ZNF723: variants seen among roughly 807,000 people sequenced by gnomAD.
ZNF723 encodes zinc finger protein 723.
In ZNF723, 5 loss-of-function variants were observed where a neutral mutation model predicts 9.4. The observed-to-expected ratio is 0.53, with a 90% CI of 0.28 to 1.12. ZNF723 has a LOEUF of 1.12. ZNF723 is among the 50% of genes most tolerant of loss of function. The probability of loss-of-function intolerance (pLI) is 0.10; values close to 1 mark genes in which losing one functional copy is unlikely to be tolerated. For synonymous variants in ZNF723, 158 were observed against 168.8 expected, an observed-to-expected ratio of 0.94 and a Z score of 0.49; for missense variants, 450 against 501.5, an observed-to-expected ratio of 0.90 and a Z score of 0.98.
chr19:22,848,418 A>G, intron 2 of ZNF723, 31 bp downstream of exon 2: 1 of 1,301,210 alleles, frequency 7.7e-7, no homozygotes, highest in South Asian at 1.3e-5. Flanking sequence ...CAATCCTCAG[A>G]TACTGTAAAT....
At position 22,858,125 on chromosome 19, in the gene ZNF723, C is replaced by T. The variant is rs943817882; in HGVS notation, c.1234C>T (p.Leu412Phe). The T allele has an allele frequency of 7.6e-6, 11 of 1,447,030 alleles. No individual in the cohort carries two copies. The African/African-American group carries it at 1.3e-4, about 17-fold the overall frequency. 89.6% of individuals were successfully genotyped at this position (1,447,030 alleles called of 1,614,324 possible). ...CAAAGCCTTTAACCAATCCTCAGCC[C>T]TTACTACACATAAGATAATTCATAC... ...CGKAFNQSSA[L>F]TTHKIIHTGE... Residue 412 changes from leucine to phenylalanine, a missense_variant, in exon 4 of 4, where the codon CTT becomes TTT. By Grantham distance (22) the Leu-to-Phe change is conservative. This residue lies in a region of ZNF723 where 237 missense variants were observed against 332.2 expected (regional missense o/e 0.71). Coordinates refer to ENST00000600766, the MANE Select transcript of ZNF723 (RefSeq NM_001349726.2).
In ZNF723 at chr19:22,851,540, T is replaced by A. The variant is rs373796669; in HGVS notation, c.226+2247T>A. On this transcript the variant is annotated intron_variant, in intron 3 of 3. Transcript: ENST00000600766. ...AACATAATGGACTCATTTTAGGATTTCTTTTTATTTATGTGCAGTCTCACT... is the reference window on the plus strand; with the variant it reads ...AACATAATGGACTCATTTTAGGATTACTTTTTATTTATGTGCAGTCTCACT... Among the ~76,000 whole-genome samples the A allele has an allele frequency of 9.2e-5, 14 of 152,188 alleles. 1 individual carries two copies. In the South Asian group the frequency reaches 1.9e-3, roughly 20 times the overall value.
At chr19:22,830,761 CT>C (rs1477267096), upstream of ZNF723, among the ~76,000 whole-genome samples, 4 of 151,962 alleles carry the variant, frequency 2.6e-5, no homozygotes, top group Admixed American at 2.0e-4. Flanking sequence ...AGCAATTTTT[CT>C]TTTTTTCTTT....
At chr19:22,856,337 A>G (rs1265957202) in intron 3 of ZNF723, among the ~76,000 whole-genome samples, 1 of 151,862 alleles carries the variant, frequency 6.6e-6, no homozygotes, top group Non-Finnish European at 1.5e-5. Context: ...TACTTTTGTT[A>G]CCCTCATTTT....
At chr19:22,836,823 T>C (rs915662227) in intron 1 of ZNF723, among the ~76,000 whole-genome samples, 1 of 152,204 alleles carries the variant, frequency 6.6e-6, no homozygotes, top group African/African-American at 2.4e-5. Context: ...TATAGCTATT[T>C]ACCAGGATTA....
At position 22,841,317 on chromosome 19, in the gene ZNF723, A is replaced by G. The variant is rs535183092; in HGVS notation, c.4-6944A>G. On this transcript the variant is annotated intron_variant, in intron 1 of 3. Coordinates refer to ENST00000600766, the MANE Select transcript of ZNF723 (RefSeq NM_001349726.2). ...TTGCCAATTGCCAGGTGAATTTAGG[A>G]TGAACTACATATGACATGGTGCTGT... Among the ~76,000 whole-genome samples the G allele has an allele frequency of 2.0e-3, 305 of 152,268 alleles. 1 individual carries two copies. Among genetic ancestry groups the G allele is most frequent in the Middle Eastern group, 0.01 (3 of 294 alleles).
chr19:22,832,323 C>A lies in ZNF723; in HGVS notation c.-57C>A. On this transcript the variant is annotated 5_prime_UTR_variant, in exon 1 of 4. Coordinates refer to ENST00000600766, the MANE Select transcript of ZNF723 (RefSeq NM_001349726.2). ...GTTCCTGGTCTCTGTGGCCTCCTGA[C>A]CTACATGCATTGGGAGATCCACAGC... 7.4e-7 allele frequency: 1 copy of A among 1,358,246 alleles called. No homozygotes were observed. The allele number at this position is 1,358,246 out of a possible 1,614,324, so 84.1% of individuals were successfully genotyped here.
At chr19:22,829,128 G>A (rs1360419120), upstream of ZNF723, among the ~76,000 whole-genome samples, 2 of 151,902 alleles carry the variant, frequency 1.3e-5, no homozygotes, top group Non-Finnish European at 2.9e-5. Context: ...AGCTGAGATT[G>A]CGCCCTTGCA....
intron 1 of ZNF723, among the ~76,000 whole-genome samples, chr19:22,846,600 A>G (rs1268847349): frequency 6.6e-6 from 1 of 152,052 alleles, no homozygotes; most frequent in East Asian, 1.9e-4. Flanking sequence ...TCCAGCCTGG[A>G]TGACACAATG....
intron 1 of ZNF723, among the ~76,000 whole-genome samples, chr19:22,832,911 C>G (rs1967116076): frequency 6.6e-6 from 1 of 152,134 alleles, no homozygotes; most frequent in African/African-American, 2.4e-5. Context: ...TGAAAAAACC[C>G]AAATTCTGTA....
upstream of ZNF723, among the ~76,000 whole-genome samples, chr19:22,828,863 C>T (rs1443533882): frequency 6.6e-6 from 1 of 152,058 alleles, no homozygotes; most frequent in Non-Finnish European, 1.5e-5. Flanking sequence ...AAGGAAGCCC[C>T]TTCTAATCCT....
chr19:22,818,193 T>G, the ZNF723 span, among the ~76,000 whole-genome samples: 1 of 151,674 alleles, frequency 6.6e-6, no homozygotes, highest in Admixed American at 6.6e-5. Context: ...GGTCTCAGAG[T>G]GGAATGCCAC....
Position 22,858,363 on chromosome 19 carries a change from A to G in ZNF723, c.1472A>G (p.Asn491Ser), listed in dbSNP as rs1167707389. 3.2e-6 allele frequency: 3 copies of G among 942,506 alleles called. No homozygotes were observed. Among genetic ancestry groups the G allele is most frequent in the Non-Finnish European group, 5.1e-6 (3 of 590,888 alleles). 58.4% of individuals were successfully genotyped at this position (942,506 alleles called of 1,614,324 possible). Residue 491 changes from asparagine (N) to serine (S), a missense_variant, in exon 4 of 4, where the codon AAC becomes AGC. Physicochemically the swap from Asn to Ser is conservative, Grantham distance 46. This residue lies in a region of ZNF723 where 43 missense variants were observed against 22.2 expected (regional missense o/e 1.94). Coordinates refer to ENST00000600766, the MANE Select transcript of ZNF723 (RefSeq NM_001349726.2). ...TGTGAAGAATGTGGCAAAGCCTTTA[A>G]CAAGTCCTCAATTCTTAACAGACAT... is the stretch of plus-strand genomic sequence containing the variant. The part of the protein sequence containing the change: ...YKCEECGKAF[N>S]KSSILNRHKI...
chr19:22,844,591 T>A (rs1967284903), intron 1 of ZNF723, among the ~76,000 whole-genome samples: 1 of 152,204 alleles, frequency 6.6e-6, no homozygotes, highest in African/African-American at 2.4e-5. Context: ...TATATGTTGT[T>A]TTCCAAATGT....
At chr19:22,847,145 G>A (rs62120766) in intron 1 of ZNF723, among the ~76,000 whole-genome samples, 31,772 of 150,804 alleles carry the variant, frequency 0.21, 3,970 homozygotes, top group African/African-American at 0.35. Flanking sequence ...GCGTGATCTC[G>A]ACTCACTGCA....
intron 1 of ZNF723, among the ~76,000 whole-genome samples, chr19:22,839,781 C>T (rs2145211724): frequency 6.6e-6 from 1 of 152,132 alleles, no homozygotes; most frequent in Non-Finnish European, 1.5e-5. Context: ...GGCCCTGCAT[C>T]TGTAATTTTT....
chr19:22,856,649 A>T (rs1967484507), intron 3 of ZNF723, among the ~76,000 whole-genome samples: 1 of 152,186 alleles, frequency 6.6e-6, no homozygotes, highest in Non-Finnish European at 1.5e-5. Context: ...AGTCTCAGCA[A>T]ACTCAAAGGG....
chr19:22,840,760 T>C (rs913220387), intron 1 of ZNF723: 1 of 152,194 alleles, frequency 6.6e-6, no homozygotes, highest in Non-Finnish European at 1.5e-5. Flanking sequence ...CAGGGAGAAC[T>C]TAGACCTATC....
At chr19:22,824,949 G>C in the ZNF723 span, among the ~76,000 whole-genome samples, 1 of 152,160 alleles carries the variant, frequency 6.6e-6, no homozygotes, top group Non-Finnish European at 1.5e-5. Context: ...CAGCACAAGA[G>C]TCTCAGAGCA....
Sources: allele counts gnomAD v4.1 joint callset (sites outside exome capture counted in the v4.1 genomes callset), GRCh38; gene constraint gnomAD v4.1.1; regional missense constraint gnomAD v4.1.1; transcripts MANE v1.5; gene names NCBI Gene and HGNC (gene_info 2026-07-23, HGNC 2026-07-21).